ATXN7L1: variants seen among roughly 807,000 people sequenced by gnomAD.
ATXN7L1 encodes the protein ataxin 7 like 1.
Under a neutral mutation model 70.8 loss-of-function variants are expected in ATXN7L1, and 15 were observed. The ratio of observed to expected loss-of-function variants is 0.21; its 90% confidence interval spans 0.14 to 0.33. The LOEUF is 0.33. Among genes scored for constraint, ATXN7L1 ranks in the 10% least tolerant of loss-of-function variants. The pLI is 1.00. For synonymous variants in ATXN7L1, 440 were observed against 445.1 expected, an observed-to-expected ratio of 0.99 and a Z score of 0.14; for missense variants, 975 against 1,097.1, an observed-to-expected ratio of 0.89 and a Z score of 1.57.
chr7:105,614,312 G>C lies in ATXN7L1; in HGVS notation c.2022C>G (p.His674Gln). ...TGGCATTCAAAACACAGTTCTTTTT[G>C]TGAGGCCCTGACAGTGGAGACGAGA... ...TSLSSPLSGP[H>Q]KKNCVLNASS... Residue 674 changes from histidine to glutamine, a missense_variant, in exon 10 of 12, where the codon CAC (histidine) becomes CAG (glutamine). Physicochemically the swap from His to Gln is conservative, Grantham distance 24. Around this residue, in one of 5 missense-constraint regions of ATXN7L1, gnomAD observed 635 missense variants for 699.4 expected, o/e 0.91. Transcript: ENST00000419735. The surrounding 1 kb of genome is among the most constrained non-coding windows in gnomAD (Gnocchi z 4.3). 6.4e-7 allele frequency: 1 copy of C among 1,552,236 alleles called. No homozygotes were observed. The highest frequency in any genetic ancestry group is 8.7e-7 in the Non-Finnish European group (1 of 1,147,124).
chr7:105,864,108 C>T (rs1436145887), intron 2 of ATXN7L1, among the ~76,000 whole-genome samples: 1 of 151,984 alleles, frequency 6.6e-6, no homozygotes, highest in East Asian at 1.9e-4. Flanking sequence ...AACCAATAAA[C>T]AGTAGTTCTC....
intron 3 of ATXN7L1, among the ~76,000 whole-genome samples, chr7:105,738,498 TAGC>T (rs1797661903): frequency 6.6e-6 from 1 of 152,246 alleles, no homozygotes; most frequent in East Asian, 1.9e-4. Flanking sequence ...TAAATCACAC[TAGC>T]ACTCACATAT....
At chr7:105,865,976 A>G (rs1307241783) in intron 2 of ATXN7L1, among the ~76,000 whole-genome samples, 1 of 152,160 alleles carries the variant, frequency 6.6e-6, no homozygotes, top group Non-Finnish European at 1.5e-5. Context: ...ACTTTTTGAG[A>G]ACTGGACTAT....
intron 3 of ATXN7L1, among the ~76,000 whole-genome samples, chr7:105,671,104 C>CAAAAAAAAAAAAAAA (rs71155469): frequency 8.9e-5 from 8 of 89,698 alleles, no homozygotes; most frequent in Non-Finnish European, 1.1e-4. Context: ...GACTACGTCT[C>CAAAAAAAAAAAAAAA]AAAAAAAAAA....
At chr7:105,803,932 T>C (rs1366848542) in intron 2 of ATXN7L1, among the ~76,000 whole-genome samples, 1 of 152,124 alleles carries the variant, frequency 6.6e-6, no homozygotes, top group Non-Finnish European at 1.5e-5. Context: ...GGCGGCTAAG[T>C]GGTCCAGGAA....
chr7:105,858,940 G>C (rs542770402), intron 2 of ATXN7L1, among the ~76,000 whole-genome samples: 12 of 151,876 alleles, frequency 7.9e-5, no homozygotes, highest in Admixed American at 7.9e-4. Context: ...ACACACATGT[G>C]GGGGAGGGAC....
At chr7:105,766,411 C>T (rs1801257460) in intron 3 of ATXN7L1, among the ~76,000 whole-genome samples, 1 of 152,008 alleles carries the variant, frequency 6.6e-6, no homozygotes, top group African/African-American at 2.4e-5. Flanking sequence ...GTCAGGGATG[C>T]TTGTTGGTTT....
At chr7:105,642,319 G>A (rs1021366902) in intron 5 of ATXN7L1, among the ~76,000 whole-genome samples, 1 of 152,162 alleles carries the variant, frequency 6.6e-6, no homozygotes, top group African/African-American at 2.4e-5. Context: ...ATGGGGGATC[G>A]ACAGTTGTAA....
chr7:105,730,048 C>T (rs1226524887), intron 3 of ATXN7L1, among the ~76,000 whole-genome samples: 2 of 152,094 alleles, frequency 1.3e-5, no homozygotes, highest in African/African-American at 4.8e-5. Context: ...CTCCCCACTT[C>T]TTAAGTGTGG....
chr7:105,626,109 A>G (rs1795660929), intron 7 of ATXN7L1, among the ~76,000 whole-genome samples: 1 of 152,226 alleles, frequency 6.6e-6, no homozygotes, highest in Non-Finnish European at 1.5e-5. Context: ...GTCACTTAAA[A>G]ACAAAACCAC....
intron 2 of ATXN7L1, among the ~76,000 whole-genome samples, chr7:105,803,566 G>A (rs1004982288): frequency 1.3e-5 from 2 of 152,202 alleles, no homozygotes; most frequent in African/African-American, 4.8e-5. Context: ...CTGAGATAAG[G>A]CAGCGGGACA....
At chr7:105,730,111 G>A (rs1796365135) in intron 3 of ATXN7L1, among the ~76,000 whole-genome samples, 1 of 152,160 alleles carries the variant, frequency 6.6e-6, no homozygotes, top group Non-Finnish European at 1.5e-5. Context: ...AAGCAGGGCA[G>A]GAGAGGCTGT....
intron 3 of ATXN7L1, among the ~76,000 whole-genome samples, chr7:105,721,625 G>A (rs1795197069): frequency 1.3e-5 from 2 of 152,230 alleles, no homozygotes; most frequent in Non-Finnish European, 2.9e-5. Context: ...ACTAACTTGG[G>A]TGTCATTCCT....
chr7:105,807,967 G>A (rs1807864811), intron 2 of ATXN7L1, among the ~76,000 whole-genome samples: 1 of 152,248 alleles, frequency 6.6e-6, no homozygotes, highest in African/African-American at 2.4e-5. Flanking sequence ...AAAGAGGCCT[G>A]AGCTAGCATC....
In ATXN7L1 at chr7:105,742,928, C is replaced by T. The variant is rs1450299534; in HGVS notation, c.355+45676G>A. ...TTCCAGCATCCCACGATTCACCTCT[C>T]CCCCTCTCAACATGCTTATGCCCTC... is the stretch of plus-strand genomic sequence containing the variant. On this transcript the variant is annotated intron_variant, in intron 3 of 11. Transcript: ENST00000419735. Among the ~76,000 whole-genome samples, 7 of 152,108 alleles carry T rather than the reference C, an allele frequency of 4.6e-5. No individual in the cohort carries two copies. The East Asian group carries it at 1.3e-3, about 29-fold the overall frequency.
At chr7:105,676,429 C>A (rs1584680485) in intron 3 of ATXN7L1, among the ~76,000 whole-genome samples, 1 of 152,184 alleles carries the variant, frequency 6.6e-6, no homozygotes, top group Admixed American at 6.5e-5. Flanking sequence ...GCTGATATCG[C>A]CCCCAGAGCA....
chr7:105,607,762 C>G lies in ATXN7L1; in HGVS notation c.*90G>C, dbSNP rs920850100. 52 of 1,223,600 alleles carry G rather than the reference C, an allele frequency of 4.2e-5. No individual in the cohort carries two copies. Among genetic ancestry groups the G allele is most frequent in the Non-Finnish European group, 5.3e-5 (45 of 851,330 alleles). The allele number at this position is 1,223,600 out of a possible 1,614,324, so 75.8% of individuals were successfully genotyped here. A position where few individuals can be genotyped will look rare whatever the true frequency, so the allele number is the denominator to read the frequency against. ...GTGCACAGAAAACAGACTCTCCCCC[C>G]AGCCCACTCCCCTCCCTCCTCCTCC... is the stretch of plus-strand genomic sequence containing the variant. On this transcript the variant is annotated 3_prime_UTR_variant, in exon 12 of 12. Transcript: ENST00000419735.
intron 3 of ATXN7L1, among the ~76,000 whole-genome samples, chr7:105,772,063 ATTTTTTTT>A (rs533366742): frequency 3.5e-4 from 35 of 99,786 alleles, no homozygotes; most frequent in African/African-American, 1.4e-3. Context: ...TCAGATTGGA[ATTTTTTTT>A]TTTTTTTTTT....
chr7:105,718,959 G>T (rs1295198927), intron 3 of ATXN7L1, among the ~76,000 whole-genome samples: 1 of 152,170 alleles, frequency 6.6e-6, no homozygotes, highest in East Asian at 1.9e-4. Flanking sequence ...TCACAAACAG[G>T]TGATGAACAG....
Sources: allele counts gnomAD v4.1 joint callset (sites outside exome capture counted in the v4.1 genomes callset), GRCh38; gene constraint gnomAD v4.1.1; regional missense constraint gnomAD v4.1.1; non-coding constraint Gnocchi (gnomAD v3.1); transcripts MANE v1.5; gene names NCBI Gene and HGNC (gene_info 2026-07-23, HGNC 2026-07-21).